Variants in COMMD6 observed in about 807,000 individuals in gnomAD.
COMMD6 encodes the protein COMM domain containing 6.
Under a neutral mutation model 13.4 loss-of-function variants are expected in COMMD6, and 11 were observed. The observed-to-expected ratio is 0.82, with a 90% CI of 0.52 to 1.36. COMMD6 has a LOEUF of 1.36. COMMD6 is among the 40% of genes most tolerant of loss of function. COMMD6 has a pLI of 0.00. For synonymous variants in COMMD6, 43 were observed against 36.5 expected (o/e 1.18, Z -0.64); for missense variants, 124 against 102.4 (o/e 1.21, Z -0.91).
chr13:75,537,276 T>G (rs1666129757), intron 2 of COMMD6: 2 of 1,509,316 alleles, frequency 1.3e-6, no homozygotes, highest in Middle Eastern at 3.8e-4. Flanking sequence ...TCTAAAAGGC[T>G]AAAATGCTAT....
chr13:75,529,870 G>T, intron 3 of COMMD6: 1 of 383,646 alleles, frequency 2.6e-6, no homozygotes, highest in Non-Finnish European at 4.7e-6. Context: ...TATACTCAGA[G>T]AGGAGTACTG....
upstream of COMMD6, among the ~76,000 whole-genome samples, chr13:75,540,073 C>T (rs145829192): frequency 0.044 from 6,619 of 150,852 alleles, 507 homozygotes; most frequent in African/African-American, 0.15. Context: ...CGGGTTCAAG[C>T]GCTTCTACTG....
intron 2 of COMMD6, 49 bp downstream of exon 2, chr13:75,537,615 C>A (rs755959091): frequency 5.0e-6 from 8 of 1,613,190 alleles, no homozygotes; most frequent in African/African-American, 2.7e-5. Context: ...GCCTCGCGGC[C>A]GTGGGAGGCA....
chr13:75,534,722 A>C (rs976753777), intron 2 of COMMD6, among the ~76,000 whole-genome samples: 12 of 152,242 alleles, frequency 7.9e-5, no homozygotes, highest in Non-Finnish European at 1.2e-4. Context: ...TATAAAGAAT[A>C]ATCAGAAAGT....
At chr13:75,539,055 A>G (rs35142771), upstream of COMMD6, among the ~76,000 whole-genome samples, 259 of 152,256 alleles carry the variant, frequency 1.7e-3, no homozygotes, top group Non-Finnish European at 3.4e-3. Flanking sequence ...CTTCAAAGCC[A>G]GGAAGGGCAG....
chr13:75,542,716 G>T (rs149781764), upstream of COMMD6, among the ~76,000 whole-genome samples: 1 of 152,222 alleles, frequency 6.6e-6, no homozygotes, highest in South Asian at 2.1e-4. Flanking sequence ...GGATTCCTCA[G>T]ATGAGTCCAG....
intron 3 of COMMD6, among the ~76,000 whole-genome samples, chr13:75,527,321 T>C (rs186498141): frequency 2.2e-4 from 34 of 152,358 alleles, no homozygotes; most frequent in Admixed American, 1.8e-3. Context: ...CTTAATTTTC[T>C]ATTTTGCTAC....
upstream of COMMD6, among the ~76,000 whole-genome samples, chr13:75,539,806 C>T (rs762346570): frequency 6.1e-4 from 93 of 152,208 alleles, 2 homozygotes; most frequent in Admixed American, 2.0e-4. Flanking sequence ...AAAAAACCCC[C>T]CACTGACTCA....
chr13:75,526,583 C>A lies in COMMD6; in HGVS notation c.*6G>T. ...GATAGCAATTTATCAACCAAAGAAT[C>A]CGTCTTCACACCGTTTCAATAACTG... On this transcript the variant is annotated 3_prime_UTR_variant, in exon 4 of 4. Coordinates refer to ENST00000682242, the MANE Select transcript of COMMD6 (RefSeq NM_203495.4). 6.3e-7 allele frequency: 1 copy of A among 1,591,104 alleles called. No individual in the cohort carries two copies. Among genetic ancestry groups the A allele is most frequent in the Non-Finnish European group, 8.6e-7 (1 of 1,165,014 alleles).
upstream of COMMD6, among the ~76,000 whole-genome samples, chr13:75,540,854 ACT>A (rs555571593): frequency 1.2e-4 from 18 of 152,318 alleles, no homozygotes; most frequent in South Asian, 3.7e-3. Context: ...TATGGCATAA[ACT>A]CTGATCTCAT....
At position 75,537,693 on chromosome 13, in the gene COMMD6, A is replaced by G; in HGVS notation, c.43-18T>C. The stretch of plus-strand genomic sequence containing the variant: ...TTGGTGACCTGAAACGGAAGCAGAA[A>G]CACAATTTAGAGAAACATCTTTCTT... On this transcript the variant is annotated intron_variant, in intron 1 of 3. Coordinates refer to ENST00000682242, the MANE Select transcript of COMMD6 (RefSeq NM_203495.4). 3 of 1,614,050 alleles carry G rather than the reference A, an allele frequency of 1.9e-6. No homozygotes were observed. Among genetic ancestry groups the G allele is most frequent in the Non-Finnish European group, 2.5e-6 (3 of 1,179,926 alleles).
intron 2 of COMMD6, 26 bp downstream of exon 2, chr13:75,537,638 A>C: frequency 3.1e-6 from 5 of 1,613,554 alleles, no homozygotes; most frequent in Non-Finnish European, 3.4e-6. Context: ...CTGGCGGAGG[A>C]CAGGGCGGGG....
At chr13:75,532,557 T>A (rs186504951) in intron 2 of COMMD6, among the ~76,000 whole-genome samples, 3 of 152,114 alleles carry the variant, frequency 2.0e-5, no homozygotes, top group Non-Finnish European at 4.4e-5. Flanking sequence ...TCTTGCTGGG[T>A]GCGGTGGCTC....
At chr13:75,539,978 T>TTC (rs2030798652), upstream of COMMD6, among the ~76,000 whole-genome samples, 1 of 150,430 alleles carries the variant, frequency 6.6e-6, no homozygotes, top group African/African-American at 2.5e-5. Context: ...TCTTTTTTTT[T>TTC]TTTTTTTTTT....
intron 2 of COMMD6, among the ~76,000 whole-genome samples, chr13:75,535,009 G>A (rs1258122474): frequency 6.6e-6 from 1 of 152,196 alleles, no homozygotes; most frequent in Non-Finnish European, 1.5e-5. Flanking sequence ...TAATGTAATG[G>A]TAGTATTATA....
At chr13:75,532,870 A>AG (rs1454518857) in intron 2 of COMMD6, among the ~76,000 whole-genome samples, 1 of 151,534 alleles carries the variant, frequency 6.6e-6, no homozygotes, top group Non-Finnish European at 1.5e-5. Context: ...AACTTACCAC[A>AG]TTAACTCACT....
At chr13:75,530,859 G>C (rs2030454783) in intron 2 of COMMD6, among the ~76,000 whole-genome samples, 2 of 152,194 alleles carry the variant, frequency 1.3e-5, no homozygotes, top group Non-Finnish European at 2.9e-5. Flanking sequence ...GCCAAAGTCT[G>C]TTTGACTCCA....
At chr13:75,546,117 T>C (rs1454613381) in intron 1 of COMMD6, among the ~76,000 whole-genome samples, 5 of 152,222 alleles carry the variant, frequency 3.3e-5, no homozygotes, top group Non-Finnish European at 7.3e-5. Context: ...TATATATACC[T>C]ACCAAGTATC....
chr13:75,531,851 G>A (rs1222350903), intron 2 of COMMD6, among the ~76,000 whole-genome samples: 1 of 152,172 alleles, frequency 6.6e-6, no homozygotes, highest in African/African-American at 2.4e-5. Flanking sequence ...TTCTACTAGG[G>A]ATAGAACTTA....
Sources: allele counts gnomAD v4.1 joint callset (sites outside exome capture counted in the v4.1 genomes callset), GRCh38; gene constraint gnomAD v4.1.1; transcripts MANE v1.5; gene names NCBI Gene and HGNC (gene_info 2026-07-23, HGNC 2026-07-21).